Variants in TMEM181 observed in about 807,000 individuals in gnomAD.
TMEM181 encodes G protein-coupled receptor 178.
Under a neutral mutation model 71.9 loss-of-function variants are expected in TMEM181, and 39 were observed. That is an observed-to-expected ratio of 0.54 (90% CI 0.42 to 0.71). TMEM181 has a LOEUF of 0.71. Ranked by LOEUF, TMEM181 falls within the 30% of genes least tolerant of loss-of-function variation. The pLI, the probability that TMEM181 is intolerant of heterozygous loss-of-function variation, is 0.00. For synonymous variants in TMEM181, 245 were observed against 228.8 expected (o/e 1.07, Z -0.64); for missense variants, 595 against 583.0 (o/e 1.02, Z -0.21).
chr6:158,575,518 A>G (rs1418632520), intron 2 of TMEM181, among the ~76,000 whole-genome samples: 2 of 152,184 alleles, frequency 1.3e-5, no homozygotes. Flanking sequence ...GGGTTTCACC[A>G]TGTTGGCCAG....
Position 158,573,407 on chromosome 6 carries a change from C to T in TMEM181, c.9-13C>T, listed in dbSNP as rs750795893. On this transcript the variant is annotated splice_polypyrimidine_tract_variant and intron_variant, in intron 1 of 16. Transcript: ENST00000684151. ...TCCCCTGACCGTCCCTCACTGCTGG[C>T]TTCTGCCCCCAGGCTGGCGCCCATG... The T allele has an allele frequency of 1.4e-5, 22 of 1,568,852 alleles. No homozygotes were observed. The highest frequency in any genetic ancestry group is 1.9e-5 in the Non-Finnish European group (22 of 1,158,456).
Position 158,584,544 on chromosome 6 carries a change from A to G in TMEM181, c.259+500A>G, listed in dbSNP as rs1278738823. Among the ~76,000 whole-genome samples the G allele has an allele frequency of 6.6e-5, 10 of 152,302 alleles. 1 individual carries two copies. In the South Asian group the frequency reaches 1.9e-3, roughly 28 times the overall value. ...TGCAGAGGCTGAGAAACCCTCCCCT[A>G]ATGCATCCATTGTTTATGATGAATT... On this transcript the variant is annotated intron_variant, in intron 4 of 16. Coordinates refer to ENST00000684151, the MANE Select transcript of TMEM181 (RefSeq NM_001376852.1).
chr6:158,549,110 C>CTTTTTTTTTTTTTT (rs33969411), intron 1 of TMEM181, among the ~76,000 whole-genome samples: 1 of 67,514 alleles, frequency 1.5e-5, no homozygotes, highest in Admixed American at 1.7e-4. Flanking sequence ...GTGCACACTT[C>CTTTTTTTTTTTTTT]TTTTTTTTTT....
chr6:158,590,596 T>C (rs1351861401), intron 6 of TMEM181, among the ~76,000 whole-genome samples: 1 of 152,182 alleles, frequency 6.6e-6, no homozygotes, highest in Non-Finnish European at 1.5e-5. Context: ...CCCAAGTAGC[T>C]GGGATTACAA....
chr6:158,601,814 A>T (rs2128312895), intron 6 of TMEM181, among the ~76,000 whole-genome samples: 1 of 152,184 alleles, frequency 6.6e-6, no homozygotes, highest in Middle Eastern at 3.4e-3. Flanking sequence ...GAAGTAGGTT[A>T]CTAGCATCCC....
At chr6:158,594,250 C>G (rs9355247) in intron 6 of TMEM181, among the ~76,000 whole-genome samples, 52,951 of 151,512 alleles carry the variant, frequency 0.35, 10,130 homozygotes, top group East Asian at 0.75. Flanking sequence ...AGGTGCGCAC[C>G]ACTATGCGTG....
At chr6:158,561,685 A>G (rs1222619771) in intron 1 of TMEM181, among the ~76,000 whole-genome samples, 1 of 152,182 alleles carries the variant, frequency 6.6e-6, no homozygotes, top group Non-Finnish European at 1.5e-5. Context: ...GCAGTTGACC[A>G]AGGAAAGGTC....
intron 1 of TMEM181, among the ~76,000 whole-genome samples, chr6:158,545,269 A>C (rs1293965611): frequency 2.6e-5 from 4 of 152,268 alleles, no homozygotes; most frequent in Admixed American, 2.6e-4. Context: ...ATTGTTCTGC[A>C]TGTTCAAGGC....
At chr6:158,592,727 C>T (rs547736030) in intron 6 of TMEM181, among the ~76,000 whole-genome samples, 1 of 152,136 alleles carries the variant, frequency 6.6e-6, no homozygotes, top group East Asian at 1.9e-4. Flanking sequence ...CTCAGGTAAT[C>T]GGCCTAGCTG....
chr6:158,559,285 C>G (rs1782021109), upstream of TMEM181, among the ~76,000 whole-genome samples: 1 of 152,182 alleles, frequency 6.6e-6, no homozygotes. Context: ...TGTAATTTCA[C>G]TGAGGGCAGG....
At chr6:158,567,437 C>T (rs552957740) in intron 1 of TMEM181, among the ~76,000 whole-genome samples, 5 of 152,324 alleles carry the variant, frequency 3.3e-5, no homozygotes, top group South Asian at 2.1e-4. Flanking sequence ...CCAAGCCGTT[C>T]GCCGTCAGGC....
At chr6:158,570,782 A>G (rs929861924) in intron 1 of TMEM181, among the ~76,000 whole-genome samples, 1 of 152,048 alleles carries the variant, frequency 6.6e-6, no homozygotes, top group African/African-American at 2.4e-5. Context: ...CAGTACTGTT[A>G]ACTGAACTAA....
chr6:158,611,979 C>CA lies in TMEM181; in HGVS notation c.896+3229_896+3230insA, dbSNP rs1554228509. ...AACTCCCTGCAGCTGCAGGGATACC[C>CA]CCCCCACCTCCTAGTCTGCTTTTAG... is the stretch of plus-strand genomic sequence containing the variant. On this transcript the variant is annotated intron_variant, in intron 10 of 16. Coordinates refer to ENST00000684151, the MANE Select transcript of TMEM181 (RefSeq NM_001376852.1). 4.0e-5 allele frequency among the ~76,000 whole-genome samples: 4 copies of CA among 99,254 alleles called. No homozygotes were observed. In the South Asian group the frequency reaches 1.2e-3, roughly 29 times the overall value. The allele number at this position is 99,254 out of a possible 152,430, so 65.1% of individuals were successfully genotyped here.
At chr6:158,587,614 A>G (rs1582991180) in intron 5 of TMEM181, among the ~76,000 whole-genome samples, 1 of 148,914 alleles carries the variant, frequency 6.7e-6, no homozygotes, top group Non-Finnish European at 1.5e-5. Flanking sequence ...ACAGGTGTGC[A>G]CCACCGTGCC....
intron 6 of TMEM181, among the ~76,000 whole-genome samples, chr6:158,590,786 G>A (rs1389537482): frequency 1.3e-5 from 2 of 152,212 alleles, no homozygotes; most frequent in African/African-American, 2.4e-5. Flanking sequence ...TAGCACAGTC[G>A]TGGAGCTGTC....
intron 1 of TMEM181, among the ~76,000 whole-genome samples, chr6:158,567,142 C>T (rs940235766): frequency 6.6e-6 from 1 of 152,178 alleles, no homozygotes; most frequent in Non-Finnish European, 1.5e-5. Context: ...TATTAGATGC[C>T]TCTTGTGAAA....
intron 1 of TMEM181, among the ~76,000 whole-genome samples, chr6:158,561,194 A>G (rs114262802): frequency 1.3e-5 from 2 of 152,232 alleles, no homozygotes; most frequent in Non-Finnish European, 2.9e-5. Flanking sequence ...TGGTCAGAGA[A>G]GTGACACCCA....
intron 1 of TMEM181, among the ~76,000 whole-genome samples, chr6:158,549,746 A>G (rs1435769452): frequency 2.0e-5 from 3 of 152,216 alleles, no homozygotes; most frequent in Non-Finnish European, 4.4e-5. Context: ...AAGGATCAAT[A>G]ACAAGGGTGA....
Position 158,625,212 on chromosome 6 carries a change from T to C in TMEM181, c.1057+6T>C, listed in dbSNP as rs375334261. The stretch of plus-strand genomic sequence containing the variant: ...ACGTCACATGCCTTATGTGGGTAAG[T>C]GCTCCTTTCAGAATCGGTGCAGGGG... On this transcript the variant is annotated splice_donor_region_variant and intron_variant, in intron 12 of 16. Coordinates refer to ENST00000684151, the MANE Select transcript of TMEM181 (RefSeq NM_001376852.1). 50 of 1,613,542 alleles carry C rather than the reference T, an allele frequency of 3.1e-5. No individual in the cohort carries two copies. The East Asian group carries it at 5.8e-4, about 19-fold the overall frequency.
Sources: allele counts gnomAD v4.1 joint callset (sites outside exome capture counted in the v4.1 genomes callset), GRCh38; gene constraint gnomAD v4.1.1; transcripts MANE v1.5; gene names NCBI Gene and HGNC (gene_info 2026-07-23, HGNC 2026-07-21).